The following SSH2 variants were observed in gnomAD, a reference collection of about 807,000 sequenced individuals.
SSH2 encodes slingshot protein phosphatase 2.
Under a neutral mutation model 135.2 loss-of-function variants are expected in SSH2, and 37 were observed. The ratio of observed to expected loss-of-function variants is 0.27; its 90% CI spans 0.21 to 0.36. The LOEUF (loss-of-function observed/expected upper bound fraction) is 0.36. SSH2 is among the 10% of genes least tolerant of loss of function. The pLI is 1.00. For missense variants in SSH2, 1,408 were observed against 1,765.3 expected (o/e 0.80, Z 3.63); for synonymous variants, 628 against 646.2 (o/e 0.97, Z 0.43).
chr17:29,635,583 AT>A (rs373819242), intron 15 of SSH2, among the ~76,000 whole-genome samples: 3,730 of 151,302 alleles, frequency 0.025, 74 homozygotes, highest in Middle Eastern at 0.058. Context: ...AATTTTTTGT[AT>A]TTTTTAGTAG....
intron 4 of SSH2, among the ~76,000 whole-genome samples, chr17:29,698,027 A>G (rs2151111765): frequency 6.6e-6 from 1 of 152,366 alleles, no homozygotes; most frequent in Admixed American, 6.5e-5. Context: ...GGAATGATGT[A>G]CTGATACATA....
chr17:29,631,337 G>C lies in SSH2; in HGVS notation c.3857C>G (p.Ser1286Cys). Residue 1286 changes from serine (S) to cysteine (C), a missense_variant, in exon 16 of 16, where the codon TCT becomes TGT. Transcript: ENST00000540801. ...GTCCAAGTAACCTAATTTGGCGAGAGAAGCTGAGCGCCTCATTTGGGATGG... is the reference window on the plus strand; with the variant it reads ...GTCCAAGTAACCTAATTTGGCGAGACAAGCTGAGCGCCTCATTTGGGATGG... ...TKPSQMRRSASLAKLGYLDLC... is the reference protein window; with the variant it reads ...TKPSQMRRSACLAKLGYLDLC... 1 of 1,614,184 alleles carries C rather than the reference G, an allele frequency of 6.2e-7. No homozygotes were observed. The highest frequency in any genetic ancestry group is 8.5e-7 in the Non-Finnish European group (1 of 1,180,040).
chr17:29,647,873 G>A (rs868844678), intron 14 of SSH2: 5 of 356,542 alleles, frequency 1.4e-5, no homozygotes, highest in South Asian at 1.1e-4. Context: ...ATGTTGGCCA[G>A]GCTGGTCTCG....
rs2035915541 is a variant in SSH2 at position 29,636,392 on chromosome 17, G to A, written c.1838C>T (p.Ala613Val). Residue 613 changes from alanine (A) to valine (V), a missense_variant, in exon 15 of 16, where the codon GCC (alanine) becomes GTC (valine). Coordinates refer to ENST00000540801, the MANE Select transcript of SSH2 (RefSeq NM_001282129.2). ...CACTGTTAAGTCTGGAAACTTGTTG[G>A]CCATTTCTGGGACATGTCCAGGCTG... Reference protein sequence around the residue: ...LIQPGHVPEMANKFPDLTVED... With the variant: ...LIQPGHVPEMVNKFPDLTVED... 2 of 1,614,060 alleles carry A rather than the reference G, an allele frequency of 1.2e-6. No individual in the cohort carries two copies. Among genetic ancestry groups the A allele is most frequent in the Admixed American group, 3.3e-5 (2 of 60,006 alleles).
At chr17:29,828,407 T>C (rs540519236) in intron 2 of SSH2, among the ~76,000 whole-genome samples, 1 of 152,256 alleles carries the variant, frequency 6.6e-6, no homozygotes, top group African/African-American at 2.4e-5. Context: ...TCCCTAGGAC[T>C]CCTACAGAAA....
At chr17:29,681,101 G>A (rs982873027) in intron 6 of SSH2, among the ~76,000 whole-genome samples, 3 of 151,916 alleles carry the variant, frequency 2.0e-5, no homozygotes, top group African/African-American at 7.3e-5. Context: ...AGCACTTTGG[G>A]AAGCAGAGGC....
chr17:29,657,774 T>C (rs2036855622), intron 11 of SSH2, among the ~76,000 whole-genome samples: 1 of 148,410 alleles, frequency 6.7e-6, no homozygotes, highest in African/African-American at 2.5e-5. Flanking sequence ...GGGGTCTCAC[T>C]ATGTTGCCCA....
chr17:29,709,031 G>GAA (rs2039337133), intron 3 of SSH2, among the ~76,000 whole-genome samples: 1 of 144,564 alleles, frequency 6.9e-6, no homozygotes, highest in African/African-American at 2.6e-5. Flanking sequence ...GAGAGAGAGA[G>GAA]AGAGAGAGAG....
intron 2 of SSH2, among the ~76,000 whole-genome samples, chr17:29,842,736 C>A (rs2043063996): frequency 6.6e-6 from 1 of 152,168 alleles, no homozygotes; most frequent in South Asian, 2.1e-4. Context: ...TTGCATCAGA[C>A]CCCTTCCAAA....
Position 29,631,982 on chromosome 17 carries a change from A to C in SSH2, c.3212T>G (p.Val1071Gly). The C allele has an allele frequency of 1.2e-6, 2 of 1,614,008 alleles. No homozygotes were observed. The highest frequency in any genetic ancestry group is 1.3e-5 in the African/African-American group (1 of 74,980). The change falls in exon 16 of 16, where the codon GTG becomes GGG. Residue 1071 changes from valine (V) to glycine (G), a missense_variant. Physicochemically the swap from Val to Gly is moderately radical, Grantham distance 109. Transcript: ENST00000540801. ...EKSGEQGLRK[V>G]NMEKSVTVLC... ...CACAGTGACAGATTTTTCCATGTTC[A>C]CTTTCCTCAGCCCTTGCTCTCCGCT...
intron 2 of SSH2, among the ~76,000 whole-genome samples, chr17:29,822,948 A>G (rs1164781964): frequency 6.6e-6 from 1 of 152,220 alleles, no homozygotes; most frequent in Non-Finnish European, 1.5e-5. Flanking sequence ...TGGGAGGGAT[A>G]GCAGTGTGCC....
chr17:29,810,298 A>G (rs554333091), intron 2 of SSH2, among the ~76,000 whole-genome samples: 166 of 152,300 alleles, frequency 1.1e-3, no homozygotes, highest in Non-Finnish European at 2.0e-3. Context: ...AGACTGCACA[A>G]CAGAATTCTC....
intron 3 of SSH2, among the ~76,000 whole-genome samples, chr17:29,784,089 A>T (rs989589022): frequency 1.5e-5 from 2 of 134,778 alleles, no homozygotes; most frequent in Non-Finnish European, 3.2e-5. Context: ...AAAAAAAAAA[A>T]AAAAGAGTAA....
chr17:29,862,651 C>T (rs2065784273), intron 1 of SSH2, among the ~76,000 whole-genome samples: 1 of 152,192 alleles, frequency 6.6e-6, no homozygotes, highest in South Asian at 2.1e-4. Flanking sequence ...CTCTTAGCAG[C>T]TTGGCCTGTC....
At chr17:29,752,405 A>G (rs1567947927) in intron 3 of SSH2, among the ~76,000 whole-genome samples, 1 of 152,162 alleles carries the variant, frequency 6.6e-6, no homozygotes, top group Non-Finnish European at 1.5e-5. Flanking sequence ...TATATGTAGC[A>G]TTTCAAATTA....
intron 3 of SSH2, 84 bp from the exon 4 acceptor site, chr17:29,703,146 C>T (rs1360569461): frequency 3.2e-6 from 3 of 926,438 alleles, no homozygotes; most frequent in Non-Finnish European, 3.5e-6. Context: ...TGGATTCTCT[C>T]TTCTCTATTC....
chr17:29,642,801 C>T (rs1322515009), intron 14 of SSH2, among the ~76,000 whole-genome samples: 1 of 152,104 alleles, frequency 6.6e-6, no homozygotes, highest in Admixed American at 6.5e-5. Flanking sequence ...AAGACTGTAA[C>T]CAATTCACAA....
intron 12 of SSH2, among the ~76,000 whole-genome samples, chr17:29,655,174 G>C (rs2036732680): frequency 6.6e-6 from 1 of 151,970 alleles, no homozygotes; most frequent in South Asian, 2.1e-4. Flanking sequence ...CGTGATCTTG[G>C]CTCACTGCAA....
intron 2 of SSH2, among the ~76,000 whole-genome samples, chr17:29,806,382 A>G (rs751254717): frequency 5.9e-5 from 9 of 152,200 alleles, no homozygotes; most frequent in Non-Finnish European, 1.2e-4. Context: ...AGGTCAAATA[A>G]CACCTTCTAC....
Sources: gnomAD v4.1 joint callset for allele counts (sites outside exome capture counted in the v4.1 genomes callset) on GRCh38, gnomAD v4.1.1 for gene constraint, MANE v1.5 for transcripts, NCBI Gene and HGNC (gene_info 2026-07-23, HGNC 2026-07-21) for gene names.